Variants in GRIP1 observed in about 807,000 individuals in gnomAD.
GRIP1 encodes the protein glutamate receptor interacting protein 1, also known as glutamate receptor-interacting protein 1.
GRIP1 carries 45 observed loss-of-function variants against 129.9 expected under a neutral mutation model. The ratio of observed to expected loss-of-function variants is 0.35; its 90% CI spans 0.27 to 0.44. The LOEUF (loss-of-function observed/expected upper bound fraction) is 0.44, where lower values mean the gene tolerates loss of function less well. GRIP1 is among the 20% of genes least tolerant of loss of function. GRIP1 has a pLI of 1.00. For missense variants in GRIP1, 1,196 were observed against 1,396.8 expected (o/e 0.86, Z 2.29); for synonymous variants, 530 against 520.8 (o/e 1.02, Z -0.24).
At chr12:67,028,005 T>C (rs755063620) in intron 1 of GRIP1, among the ~76,000 whole-genome samples, 6 of 152,174 alleles carry the variant, frequency 3.9e-5, no homozygotes, top group Non-Finnish European at 7.3e-5. Context: ...GATGTGTAGG[T>C]AACATACATA....
At chr12:66,653,408 G>A (rs1308148065) in intron 1 of GRIP1, among the ~76,000 whole-genome samples, 2 of 152,192 alleles carry the variant, frequency 1.3e-5, no homozygotes, top group East Asian at 1.9e-4. Flanking sequence ...TCCCCTGGAA[G>A]TATCACCTAG....
At position 66,876,689 on chromosome 12, in the gene GRIP1, A is replaced by C. The variant is rs564858654; in HGVS notation, c.58+192361T>G. Among the ~76,000 whole-genome samples the C allele has an allele frequency of 2.0e-5, 3 of 152,140 alleles. No individual in the cohort carries two copies. The East Asian group carries it at 5.8e-4, about 29-fold the overall frequency. On this transcript the variant is annotated intron_variant, in intron 1 of 1. Transcript: ENST00000643019. The stretch of plus-strand genomic sequence containing the variant: ...AGGAGGTGGTAGGACTAGGATAGAG[A>C]TGCACAACTGGGGCAGCAACCACCA...
At chr12:66,533,885 A>ACTCTCTCTCTCTCT (rs201892079) in intron 4 of GRIP1, among the ~76,000 whole-genome samples, 9 of 129,570 alleles carry the variant, frequency 6.9e-5, no homozygotes, top group Admixed American at 2.2e-4. Context: ...ACACATACAC[A>ACTCTCTCTCTCTCT]CACTCTCTCT....
chr12:66,767,332 G>A lies in GRIP1; in HGVS notation c.-420+36721C>T, dbSNP rs141768811. Among the ~76,000 whole-genome samples, 183 of 152,240 alleles carry A rather than the reference G, an allele frequency of 1.2e-3. 1 individual carries two copies. The highest frequency in any genetic ancestry group is 4.0e-3 in the African/African-American group (165 of 41,544). Reference sequence around the variant, plus strand: ...AGGAGGGGAGGAGGGGAGAAAGGAAGCAGTTCTCAAAAGAAGCATCTAAGG... The same window carrying A: ...AGGAGGGGAGGAGGGGAGAAAGGAAACAGTTCTCAAAAGAAGCATCTAAGG... On this transcript the variant is annotated intron_variant, in intron 1 of 4. Coordinates refer to the GRIP1 transcript ENST00000538373.
At chr12:66,408,510 T>A (rs1346586860) in intron 15 of GRIP1, among the ~76,000 whole-genome samples, 1 of 151,906 alleles carries the variant, frequency 6.6e-6, no homozygotes, top group East Asian at 1.9e-4. Context: ...AATAAAAAAA[T>A]AAAATCAGCA....
intron 1 of GRIP1, among the ~76,000 whole-genome samples, chr12:66,689,766 C>G (rs1778807920): frequency 6.6e-6 from 1 of 151,978 alleles, no homozygotes; most frequent in Non-Finnish European, 1.5e-5. Flanking sequence ...ATTAGATCTC[C>G]AGAACTTATT....
intron 23 of GRIP1, among the ~76,000 whole-genome samples, chr12:66,360,795 C>A (rs1306419291): frequency 6.6e-6 from 1 of 152,208 alleles, no homozygotes; most frequent in Non-Finnish European, 1.5e-5. Flanking sequence ...GCAGAGCCAA[C>A]TCTCCCCACT....
intron 1 of GRIP1, among the ~76,000 whole-genome samples, chr12:66,833,559 CTCT>C (rs2039556473): frequency 6.6e-6 from 1 of 152,308 alleles, no homozygotes; most frequent in East Asian, 1.9e-4. Flanking sequence ...ACCACTTCCT[CTCT>C]TCTTCTCCCC....
intron 7 of GRIP1, among the ~76,000 whole-genome samples, chr12:66,499,277 T>A (rs2060321953): frequency 6.6e-6 from 1 of 152,152 alleles, no homozygotes; most frequent in South Asian, 2.1e-4. Flanking sequence ...TCAGTCTTTT[T>A]CTCAAAAAAC....
chr12:67,041,606 T>C (rs2135814215), intron 1 of GRIP1, among the ~76,000 whole-genome samples: 1 of 152,210 alleles, frequency 6.6e-6, no homozygotes, highest in Non-Finnish European at 1.5e-5. Flanking sequence ...CTCAGCAAAA[T>C]CAGACATCAG....
At chr12:66,479,496 G>C (rs975547291) in intron 7 of GRIP1, among the ~76,000 whole-genome samples, 1 of 152,170 alleles carries the variant, frequency 6.6e-6, no homozygotes, top group African/African-American at 2.4e-5. Flanking sequence ...CAGGTACAAA[G>C]AGGAGCTGGT....
chr12:66,889,042 G>T (rs544706801), intron 1 of GRIP1, among the ~76,000 whole-genome samples: 1 of 152,310 alleles, frequency 6.6e-6, no homozygotes, highest in Admixed American at 6.5e-5. Flanking sequence ...TACATGATTT[G>T]TCCAAAGAAA....
At chr12:66,764,777 AG>A (rs1430952113) in intron 1 of GRIP1, among the ~76,000 whole-genome samples, 4 of 151,038 alleles carry the variant, frequency 2.6e-5, no homozygotes, top group Non-Finnish European at 5.9e-5. Flanking sequence ...ATTTGAGCAA[AG>A]CCCCCTATCT....
chr12:66,834,005 G>A lies in GRIP1; in HGVS notation c.58+235045C>T, dbSNP rs868857582. Among the ~76,000 whole-genome samples, 16 of 151,906 alleles carry A rather than the reference G, an allele frequency of 1.1e-4. 1 individual carries two copies. The highest frequency in any genetic ancestry group is 6.8e-3 in the Middle Eastern group (2 of 294). On this transcript the variant is annotated intron_variant, in intron 1 of 1. Coordinates refer to the GRIP1 transcript ENST00000643019. ...ACCAACCATGAAACCATGAAACCCC[G>A]TCTCTACTAAAAATACAGAAAAATT...
intron 2 of GRIP1, among the ~76,000 whole-genome samples, chr12:66,549,533 T>A (rs1004027026): frequency 6.6e-6 from 1 of 152,150 alleles, no homozygotes; most frequent in Non-Finnish European, 1.5e-5. Context: ...AATAAACAGA[T>A]GCTTTTTCCA....
At chr12:66,674,781 C>A (rs752076330) in intron 1 of GRIP1, among the ~76,000 whole-genome samples, 6 of 152,130 alleles carry the variant, frequency 3.9e-5, no homozygotes, top group Non-Finnish European at 5.9e-5. Context: ...CACAACCCAG[C>A]CTTTTAATCT....
At chr12:66,753,900 A>G (rs1365734844) in intron 1 of GRIP1, among the ~76,000 whole-genome samples, 1 of 152,264 alleles carries the variant, frequency 6.6e-6, no homozygotes, top group Non-Finnish European at 1.5e-5. Context: ...AGAACACAAC[A>G]GAAAAAGAAA....
chr12:66,551,421 A>G (rs1468475268), intron 2 of GRIP1, among the ~76,000 whole-genome samples: 2 of 152,230 alleles, frequency 1.3e-5, no homozygotes, highest in African/African-American at 4.8e-5. Flanking sequence ...TCTTTAGATG[A>G]AAGTAGAATA....
intron 2 of GRIP1, among the ~76,000 whole-genome samples, chr12:66,554,793 GGA>G (rs2062265649): frequency 6.6e-6 from 1 of 152,188 alleles, no homozygotes; most frequent in Admixed American, 6.5e-5. Context: ...GTGGCCATGG[GGA>G]GAGGCTCCTC....
Sources: allele counts gnomAD v4.1 joint callset (sites outside exome capture counted in the v4.1 genomes callset), GRCh38; gene constraint gnomAD v4.1.1; transcripts MANE v1.5; gene names NCBI Gene and HGNC (gene_info 2026-07-23, HGNC 2026-07-21).